The following STIMATE variants were observed in gnomAD, a reference collection of about 807,000 sequenced individuals.
STIMATE encodes the protein store-operated calcium entry regulator STIMATE.
Under a neutral mutation model 36.7 loss-of-function variants are expected in STIMATE, and 15 were observed. That is an observed-to-expected ratio of 0.41 (90% CI 0.27 to 0.63). STIMATE has a LOEUF of 0.63. Among genes scored for constraint, STIMATE ranks in the 20% least tolerant of loss-of-function variants. The pLI, the probability that STIMATE is intolerant of heterozygous loss-of-function variation, is 0.32. For synonymous variants in STIMATE, 163 were observed against 162.3 expected (o/e 1.00, Z -0.03); for missense variants, 305 against 397.3 (o/e 0.77, Z 1.98).
At chr3:52,846,727 C>A (rs897852652) in intron 4 of STIMATE, among the ~76,000 whole-genome samples, 13 of 152,250 alleles carry the variant, frequency 8.5e-5, no homozygotes, top group African/African-American at 3.1e-4. Context: ...GTGACCCCGT[C>A]TGGCACACCA....
chr3:52,883,857 TTGG>T (rs1701649345), intron 1 of STIMATE, among the ~76,000 whole-genome samples: 1 of 152,268 alleles, frequency 6.6e-6, no homozygotes, highest in Non-Finnish European at 1.5e-5. Context: ...CAATCCTTTC[TTGG>T]TGATTCTAAA....
chr3:52,889,303 C>G (rs140422616), intron 1 of STIMATE, among the ~76,000 whole-genome samples: 1 of 152,190 alleles, frequency 6.6e-6, no homozygotes, highest in Non-Finnish European at 1.5e-5. Context: ...GCTCAGTGGG[C>G]GACGGTGGTT....
At chr3:52,859,684 AAG>A (rs911561129) in intron 1 of STIMATE, among the ~76,000 whole-genome samples, 5 of 151,412 alleles carry the variant, frequency 3.3e-5, no homozygotes, top group African/African-American at 1.2e-4. Flanking sequence ...TCAAAAAAAA[AAG>A]AGAGAAAAAA....
intron 1 of STIMATE, among the ~76,000 whole-genome samples, chr3:52,884,482 G>A (rs1701660637): frequency 6.6e-6 from 1 of 152,046 alleles, no homozygotes; most frequent in Admixed American, 6.6e-5. Flanking sequence ...CTGACCTCAA[G>A]TGATCCACCC....
At chr3:52,895,126 A>G (rs935328460) in intron 1 of STIMATE, among the ~76,000 whole-genome samples, 1 of 152,206 alleles carries the variant, frequency 6.6e-6, no homozygotes, top group Non-Finnish European at 1.5e-5. Flanking sequence ...TACTTCCTTA[A>G]GGCTACCTTG....
At chr3:52,850,028 C>A in intron 3 of STIMATE, 115 bp from the exon 4 acceptor site, 1 of 1,433,664 alleles carries the variant, frequency 7.0e-7, no homozygotes, top group East Asian at 2.6e-5. Flanking sequence ...TGGGCCCATT[C>A]TGGGGGCTGG....
chr3:52,880,868 G>T (rs1185978693), intron 1 of STIMATE, among the ~76,000 whole-genome samples: 5 of 152,192 alleles, frequency 3.3e-5, no homozygotes, highest in Non-Finnish European at 7.3e-5. Flanking sequence ...GTGGACTATA[G>T]AAACTCAGAT....
At position 52,887,380 on chromosome 3, in the gene STIMATE, C is replaced by T. The variant is rs543805352; in HGVS notation, c.160+9911G>A. Among the ~76,000 whole-genome samples, 95 of 152,322 alleles carry T rather than the reference C, an allele frequency of 6.2e-4. 1 individual carries two copies. Among genetic ancestry groups the T allele is most frequent in the Non-Finnish European group, 9.8e-4 (67 of 68,032 alleles). On this transcript the variant is annotated intron_variant, in intron 1 of 7. Transcript: ENST00000355083. ...TGCCAGCACAGCCTGGCTGGTGGAC[C>T]GGACCCAGGCACAGGCAGAGGCCTA...
At chr3:52,852,225 G>A (rs12496077) in intron 3 of STIMATE, among the ~76,000 whole-genome samples, 37,938 of 152,158 alleles carry the variant, frequency 0.25, 5,000 homozygotes, top group Admixed American at 0.38. Context: ...AATGGCTGAC[G>A]CCACAGAGAA....
rs1433194614 is a variant in STIMATE, at chr3:52,852,468, C to T, written c.305+135G>A. ...GGACAGCATGTACAGGATGGTCTCT[C>T]AGAGGAGCACAGAGGAAAAGGGGAG... is the stretch of plus-strand genomic sequence containing the variant. On this transcript the variant is annotated intron_variant, in intron 3 of 7. Transcript: ENST00000355083. 11 of 1,065,200 alleles carry T rather than the reference C, an allele frequency of 1.0e-5. No homozygotes were observed. In the Admixed American group the frequency reaches 2.0e-4, roughly 19 times the overall value. 66.0% of individuals were successfully genotyped at this position (1,065,200 alleles called of 1,614,324 possible). A position where few individuals can be genotyped will look rare whatever the true frequency, so the allele number is the denominator to read the frequency against.
At chr3:52,871,590 A>G (rs1020290725) in intron 1 of STIMATE, among the ~76,000 whole-genome samples, 5 of 152,058 alleles carry the variant, frequency 3.3e-5, no homozygotes, top group African/African-American at 9.7e-5. Context: ...GAGCCTCACT[A>G]TGTTTCATTA....
chr3:52,882,520 G>A (rs1179741085), intron 1 of STIMATE, among the ~76,000 whole-genome samples: 1 of 152,192 alleles, frequency 6.6e-6, no homozygotes, highest in African/African-American at 2.4e-5. Flanking sequence ...ACTTGAAGCT[G>A]CTGCTTTGCT....
Position 52,842,966 on chromosome 3 carries a change from G to A in STIMATE, c.619-6C>T. 6.2e-7 allele frequency: 1 copy of A among 1,614,152 alleles called. No individual in the cohort carries two copies. The highest frequency in any genetic ancestry group is 1.6e-4 in the Middle Eastern group (1 of 6,062). On this transcript the variant is annotated splice_polypyrimidine_tract_variant and splice_region_variant and intron_variant, in intron 6 of 7. Coordinates refer to ENST00000355083, the MANE Select transcript of STIMATE (RefSeq NM_198563.5). Reference sequence around the variant, plus strand: ...ACTACCCAAAACATCAAAGCCTGTGGGAAGGAAAAGTGCAGGTTACTTTGG... The same window carrying A: ...ACTACCCAAAACATCAAAGCCTGTGAGAAGGAAAAGTGCAGGTTACTTTGG...
At chr3:52,852,899 C>T (rs1419361178) in intron 2 of STIMATE, among the ~76,000 whole-genome samples, 1 of 152,166 alleles carries the variant, frequency 6.6e-6, no homozygotes, top group Admixed American at 6.5e-5. Context: ...CCTTTGAAAA[C>T]CCTAAAAGGT....
intron 1 of STIMATE, among the ~76,000 whole-genome samples, chr3:52,894,992 G>A (rs1243197305): frequency 6.6e-6 from 1 of 152,240 alleles, no homozygotes; most frequent in Non-Finnish European, 1.5e-5. Context: ...CCTCCCTCAG[G>A]GCTGCGAGGG....
At chr3:52,860,525 C>T (rs923058590) in intron 1 of STIMATE, among the ~76,000 whole-genome samples, 2 of 152,008 alleles carry the variant, frequency 1.3e-5, no homozygotes, top group South Asian at 2.1e-4. Flanking sequence ...AAGAGCTCCA[C>T]GTGGGCCTGT....
chr3:52,889,955 CCT>C (rs1701755438), intron 1 of STIMATE, among the ~76,000 whole-genome samples: 1 of 152,140 alleles, frequency 6.6e-6, no homozygotes, highest in African/African-American at 2.4e-5. Context: ...GAATACACTG[CCT>C]CTTTGTTCTG....
At position 52,849,808 on chromosome 3, in the gene STIMATE, C is replaced by T; in HGVS notation, c.411G>A (p.Leu137=). The change falls in exon 4 of 8, where the codon CTG becomes CTA. Residue 137 remains leucine (L), a synonymous_variant. Transcript: ENST00000355083. ...VLVEWQQWES[L]RFGEYGDPLQ... ...GCATATTACCATATTCGCCGAAGCGCAGGGACTCCCACTGCTGCCACTCTA... is the reference window on the plus strand; with the variant it reads ...GCATATTACCATATTCGCCGAAGCGTAGGGACTCCCACTGCTGCCACTCTA... The T allele has an allele frequency of 6.2e-7, 1 of 1,613,380 alleles. No homozygotes were observed. Among genetic ancestry groups the T allele is most frequent in the Non-Finnish European group, 8.5e-7 (1 of 1,179,986 alleles).
intron 1 of STIMATE, among the ~76,000 whole-genome samples, chr3:52,860,738 G>A (rs1701203582): frequency 6.6e-6 from 1 of 152,198 alleles, no homozygotes; most frequent in African/African-American, 2.4e-5. Flanking sequence ...GATTCCGGTT[G>A]GGTCTTAAAT....
Sources: allele counts gnomAD v4.1 joint callset (sites outside exome capture counted in the v4.1 genomes callset), GRCh38; gene constraint gnomAD v4.1.1; transcripts MANE v1.5; gene names NCBI Gene and HGNC (gene_info 2026-07-23, HGNC 2026-07-21).